Variants in EXT1 observed in about 807,000 individuals in gnomAD.
The protein encoded by EXT1 is exostosin glycosyltransferase 1.
EXT1 carries 20 observed loss-of-function variants against 82.5 expected under a neutral mutation model. The observed-to-expected ratio is 0.24, with a 90% CI of 0.17 to 0.35. The LOEUF (loss-of-function observed/expected upper bound fraction) is 0.35, where lower values mean the gene tolerates loss of function less well. EXT1 is among the 10% of genes least tolerant of loss of function. EXT1 has a pLI of 1.00. For synonymous variants in EXT1, 348 were observed against 350.8 expected (o/e 0.99, Z 0.09); for missense variants, 757 against 936.5 (o/e 0.81, Z 2.50).
At chr8:117,905,774 T>C (rs879849908) in intron 1 of EXT1, among the ~76,000 whole-genome samples, 10 of 152,176 alleles carry the variant, frequency 6.6e-5, no homozygotes, top group Admixed American at 5.9e-4. Flanking sequence ...ATCGCGCCAC[T>C]GCAGTCCAAC....
intron 2 of EXT1, among the ~76,000 whole-genome samples, 190 bp downstream of exon 2, chr8:117,836,918 A>G (rs1282434541): frequency 1.3e-5 from 2 of 152,190 alleles, no homozygotes; most frequent in African/African-American, 2.4e-5. Context: ...TACATCTAAA[A>G]TTACTGAGTA....
chr8:117,858,805 C>CAGGAAGG lies in EXT1; in HGVS notation c.963-21605_963-21604insCCTTCCT, dbSNP rs1460308167. Reference sequence around the variant, plus strand: ...GGCAGGCAGGCAAGGCAAGGCAAGGCAAGGCAGGAAGGAAGGAAGGAAGGA... The same window carrying CAGGAAGG: ...GGCAGGCAGGCAAGGCAAGGCAAGGCAGGAAGGAAGGCAGGAAGGAAGGAAGGAAGGA... On this transcript the variant is annotated intron_variant, in intron 1 of 10. Coordinates refer to ENST00000378204, the MANE Select transcript of EXT1 (RefSeq NM_000127.3). 1.6e-3 allele frequency among the ~76,000 whole-genome samples: 110 copies of CAGGAAGG among 66,680 alleles called. 4 individuals are homozygous for CAGGAAGG. The highest frequency in any genetic ancestry group is 4.2e-3 in the African/African-American group (50 of 11,810). The allele number at this position is 66,680 out of a possible 152,430, so 43.7% of individuals were successfully genotyped here.
intron 1 of EXT1, among the ~76,000 whole-genome samples, chr8:117,957,114 G>A (rs11562776): frequency 0.062 from 9,429 of 152,264 alleles, 665 homozygotes; most frequent in African/African-American, 0.17. Context: ...ACAGCACTGT[G>A]TTAAGAGTCA....
At chr8:117,867,260 G>GAA (rs372575361) in intron 1 of EXT1, among the ~76,000 whole-genome samples, 3 of 98,906 alleles carry the variant, frequency 3.0e-5, no homozygotes, top group African/African-American at 4.0e-5. Flanking sequence ...CTCCACCTCA[G>GAA]AAAAAAAAAA....
rs1176577340 is a variant in EXT1 at position 118,111,286 on chromosome 8, G to A, written c.-240C>T. The A allele has an allele frequency of 1.6e-6, 1 of 633,048 alleles. No individual in the cohort carries two copies. The highest frequency in any genetic ancestry group is 1.8e-5 in the African/African-American group (1 of 54,680). 39.2% of individuals were successfully genotyped at this position (633,048 alleles called of 1,614,324 possible). On this transcript the variant is annotated 5_prime_UTR_variant, in exon 1 of 11. Coordinates refer to ENST00000378204, the MANE Select transcript of EXT1 (RefSeq NM_000127.3). The stretch of plus-strand genomic sequence containing the variant: ...GGTTGCACAATGCACGGGAGAGAGC[G>A]GGGCTGAATATCTCGCACCCAGGGC...
rs149244361 is a variant in EXT1, at chr8:117,914,303, C to T, written c.963-77102G>A. Among the ~76,000 whole-genome samples, 511 of 152,256 alleles carry T rather than the reference C, an allele frequency of 3.4e-3. 4 individuals are homozygous for T. The highest frequency in any genetic ancestry group is 0.011 in the African/African-American group (462 of 41,546). On this transcript the variant is annotated intron_variant, in intron 1 of 10. Transcript: ENST00000378204. Reference sequence around the variant, plus strand: ...TTTAATCTCTTAATCCTGTTATCTTCGTAAGCTGAGGATGTACGTCAGGAC... The same window carrying T: ...TTTAATCTCTTAATCCTGTTATCTTTGTAAGCTGAGGATGTACGTCAGGAC...
intron 1 of EXT1, among the ~76,000 whole-genome samples, chr8:117,953,565 T>G (rs1814531147): frequency 6.6e-6 from 1 of 151,882 alleles, no homozygotes; most frequent in African/African-American, 2.4e-5. Flanking sequence ...TGCTTATGAC[T>G]CAATGTGCCA....
intron 1 of EXT1, among the ~76,000 whole-genome samples, chr8:117,885,286 G>A (rs1813126777): frequency 6.6e-6 from 1 of 152,134 alleles, no homozygotes; most frequent in Non-Finnish European, 1.5e-5. Flanking sequence ...ACATGTGAAA[G>A]TAAATATTTT....
intron 1 of EXT1, among the ~76,000 whole-genome samples, chr8:117,918,535 C>A (rs1321106000): frequency 6.6e-6 from 1 of 152,184 alleles, no homozygotes; most frequent in Non-Finnish European, 1.5e-5. Context: ...TTGTGTTTTG[C>A]TCTGACCAGC....
chr8:117,953,344 C>T (rs1326052696), intron 1 of EXT1, among the ~76,000 whole-genome samples: 1 of 152,102 alleles, frequency 6.6e-6, no homozygotes, highest in African/African-American at 2.4e-5. Context: ...AATAGGGATA[C>T]ATCCTAAAGG....
chr8:118,015,312 T>C (rs11562657), intron 1 of EXT1, among the ~76,000 whole-genome samples: 6,019 of 152,236 alleles, frequency 0.04, 415 homozygotes, highest in African/African-American at 0.14. Context: ...GGGGGTAATG[T>C]TTAACCCAAG....
At chr8:117,974,041 A>C (rs1265472496) in intron 1 of EXT1, among the ~76,000 whole-genome samples, 1 of 152,054 alleles carries the variant, frequency 6.6e-6, no homozygotes, top group East Asian at 1.9e-4. Flanking sequence ...GTGCCTTATC[A>C]GGAAAGTTTT....
In EXT1 at chr8:117,818,452, T is replaced by A. The variant is rs1233420413; in HGVS notation, c.1615A>T (p.Ile539Phe). 6.2e-7 allele frequency: 1 copy of A among 1,614,134 alleles called. No homozygotes were observed. Among genetic ancestry groups the A allele is most frequent in the South Asian group, 1.1e-5 (1 of 91,074 alleles). Residue 539 changes from isoleucine (I) to phenylalanine (F), a missense_variant, in exon 7 of 11, where the codon ATT (isoleucine) becomes TTT (phenylalanine). Physicochemically the swap from Ile to Phe is conservative, Grantham distance 21. Around this residue, in one of 4 missense-constraint regions of EXT1, gnomAD observed 207 missense variants for 224.2 expected, o/e 0.92. Transcript: ENST00000378204. ...WPATAVPVVV[I>F]EGESKVMSSR... ...AGTCTTACCTTGCTCTCTCCTTCAA[T>A]GACGACGACAGGCACAGCAGTGGCA...
intron 1 of EXT1, among the ~76,000 whole-genome samples, chr8:117,922,182 G>C (rs1824686): frequency 6.6e-6 from 1 of 152,210 alleles, no homozygotes; most frequent in Middle Eastern, 3.4e-3. Flanking sequence ...CCAGCCCTTA[G>C]AACTCACACT....
chr8:117,954,242 G>A (rs1051923782), intron 1 of EXT1, among the ~76,000 whole-genome samples: 1 of 152,208 alleles, frequency 6.6e-6, no homozygotes, highest in Non-Finnish European at 1.5e-5. Context: ...CCAGGGTACT[G>A]CTATTCTGCC....
At chr8:117,925,258 G>A (rs552209087) in intron 1 of EXT1, among the ~76,000 whole-genome samples, 105 of 152,124 alleles carry the variant, frequency 6.9e-4, no homozygotes, top group African/African-American at 2.4e-3. Context: ...TGTGACAACA[G>A]GAGCTGTGTC....
chr8:117,892,949 A>ACTT (rs1813272288), intron 1 of EXT1, among the ~76,000 whole-genome samples: 6 of 152,352 alleles, frequency 3.9e-5, no homozygotes, highest in African/African-American at 1.4e-4. Context: ...GGGGAGGGTG[A>ACTT]AGAGACAGAA....
At chr8:117,891,954 A>T (rs542842640) in intron 1 of EXT1, among the ~76,000 whole-genome samples, 1 of 151,830 alleles carries the variant, frequency 6.6e-6, no homozygotes, top group Non-Finnish European at 1.5e-5. Flanking sequence ...TTACAGGCAC[A>T]GGCTACCACA....
intron 1 of EXT1, among the ~76,000 whole-genome samples, chr8:117,921,669 G>A (rs1563601860): frequency 6.6e-6 from 1 of 152,192 alleles, no homozygotes; most frequent in Non-Finnish European, 1.5e-5. Context: ...GGCAGAAAAT[G>A]CCATCTCTAA....
Sources: gnomAD v4.1 joint callset for allele counts (sites outside exome capture counted in the v4.1 genomes callset) on GRCh38, gnomAD v4.1.1 for gene constraint, gnomAD v4.1.1 regional missense constraint, MANE v1.5 for transcripts, NCBI Gene and HGNC (gene_info 2026-07-23, HGNC 2026-07-21) for gene names.